The following CSMD3 variants were observed in gnomAD, a reference collection of about 807,000 sequenced individuals.
The protein encoded by CSMD3 is CUB and Sushi multiple domains 3.
Under a neutral mutation model 435.2 loss-of-function variants are expected in CSMD3, and 177 were observed. That is an observed-to-expected ratio of 0.41 (90% CI 0.36 to 0.46). The LOEUF (loss-of-function observed/expected upper bound fraction) is 0.46, where lower values mean the gene tolerates loss of function less well. CSMD3 is among the 20% of genes least tolerant of loss of function. The pLI is 0.34. For missense variants in CSMD3, 4,265 were observed against 4,504.6 expected (o/e 0.95, Z 1.52); for synonymous variants, 1,656 against 1,520.5 (o/e 1.09, Z -2.07).
chr8:112,300,222 A>T (rs972114626), intron 53 of CSMD3, among the ~76,000 whole-genome samples: 1 of 147,334 alleles, frequency 6.8e-6, no homozygotes, highest in Non-Finnish European at 1.5e-5. Flanking sequence ...AAATGTATAC[A>T]TATTTAAAGA....
At chr8:112,704,598 G>A (rs2076459044) in intron 13 of CSMD3, among the ~76,000 whole-genome samples, 1 of 152,082 alleles carries the variant, frequency 6.6e-6, no homozygotes, top group East Asian at 2.0e-4. Flanking sequence ...TTTTCTGGTT[G>A]TGAGTTTCCG....
intron 1 of CSMD3, among the ~76,000 whole-genome samples, chr8:113,417,892 G>A (rs1476041533): frequency 2.0e-5 from 3 of 152,064 alleles, no homozygotes; most frequent in Admixed American, 2.0e-4. Flanking sequence ...TATAAGAAAA[G>A]ATTACAGGAG....
intron 5 of CSMD3, among the ~76,000 whole-genome samples, chr8:113,077,898 C>T (rs1317875989): frequency 2.0e-5 from 3 of 152,038 alleles, no homozygotes; most frequent in African/African-American, 7.2e-5. Flanking sequence ...AAGTAGATTG[C>T]TTTGATCCCA....
intron 3 of CSMD3, among the ~76,000 whole-genome samples, chr8:113,200,267 C>T (rs533699221): frequency 6.6e-6 from 1 of 151,822 alleles, no homozygotes; most frequent in East Asian, 2.0e-4. Flanking sequence ...CACATTTGCG[C>T]CCTTCTTTCA....
intron 24 of CSMD3, among the ~76,000 whole-genome samples, chr8:112,569,581 A>C (rs1438097198): frequency 6.6e-6 from 1 of 152,164 alleles, no homozygotes; most frequent in Admixed American, 6.5e-5. Context: ...TTATCTACCC[A>C]AAACTGAAAA....
chr8:112,690,960 G>C (rs1344904728), intron 13 of CSMD3, among the ~76,000 whole-genome samples: 1 of 151,966 alleles, frequency 6.6e-6, no homozygotes, highest in South Asian at 2.1e-4. Flanking sequence ...CACATTGCTA[G>C]TTCCTCCGTT....
chr8:112,798,017 A>C (rs1463930202), intron 13 of CSMD3, among the ~76,000 whole-genome samples: 1 of 152,026 alleles, frequency 6.6e-6, no homozygotes, highest in East Asian at 1.9e-4. Context: ...TACAAAGACA[A>C]GTAAGATATA....
intron 36 of CSMD3, among the ~76,000 whole-genome samples, chr8:112,387,907 G>A (rs139967901): frequency 6.6e-6 from 1 of 152,266 alleles, no homozygotes; most frequent in Non-Finnish European, 1.5e-5. Context: ...GCCAAGCACT[G>A]TGCAGCATGT....
At chr8:113,237,452 C>T (rs2093162965) in intron 3 of CSMD3, among the ~76,000 whole-genome samples, 1 of 152,184 alleles carries the variant, frequency 6.6e-6, no homozygotes, top group South Asian at 2.1e-4. Flanking sequence ...GCCAGACTCA[C>T]ATATCTGGCA....
chr8:112,968,135 G>T (rs2084494388), intron 7 of CSMD3, among the ~76,000 whole-genome samples: 1 of 151,802 alleles, frequency 6.6e-6, no homozygotes, highest in African/African-American at 2.4e-5. Context: ...CATTTAATGA[G>T]ATAAGTAGAT....
At chr8:112,695,388 T>G (rs1255658783) in intron 13 of CSMD3, among the ~76,000 whole-genome samples, 1 of 152,180 alleles carries the variant, frequency 6.6e-6, no homozygotes, top group Non-Finnish European at 1.5e-5. Context: ...CAATATGTTT[T>G]AGAGATACTT....
chr8:113,273,497 T>C, intron 3 of CSMD3, among the ~76,000 whole-genome samples: 1 of 152,134 alleles, frequency 6.6e-6, no homozygotes, highest in East Asian at 1.9e-4. Flanking sequence ...GAGCACTCTA[T>C]TCTGTTCTGC....
intron 38 of CSMD3, among the ~76,000 whole-genome samples, chr8:112,361,157 C>T (rs529332359): frequency 1.3e-5 from 2 of 151,964 alleles, no homozygotes; most frequent in South Asian, 4.1e-4. Flanking sequence ...GACATCAAAA[C>T]ATTGAGTCAT....
chr8:112,587,025 C>A (rs2131352283), intron 23 of CSMD3, 41 bp downstream of exon 23: 2 of 1,444,268 alleles, frequency 1.4e-6, no homozygotes, highest in Non-Finnish European at 1.9e-6. Flanking sequence ...TATTTAATGA[C>A]TAAAAATGAA....
chr8:113,001,131 C>T (rs999612501), intron 6 of CSMD3, among the ~76,000 whole-genome samples: 1 of 152,006 alleles, frequency 6.6e-6, no homozygotes, highest in Non-Finnish European at 1.5e-5. Flanking sequence ...ATCGTCTTTT[C>T]TCACCAGGAT....
intron 31 of CSMD3, among the ~76,000 whole-genome samples, chr8:112,490,354 T>C (rs1820560728): frequency 6.6e-6 from 1 of 152,162 alleles, no homozygotes; most frequent in Non-Finnish European, 1.5e-5. Context: ...TCAACCAACA[T>C]TAAGTATACT....
chr8:113,251,432 C>G (rs2093334153), intron 3 of CSMD3, among the ~76,000 whole-genome samples: 1 of 151,810 alleles, frequency 6.6e-6, no homozygotes, highest in Non-Finnish European at 1.5e-5. Context: ...GATTTTTCTC[C>G]TTAATTTTAA....
At chr8:112,448,477 G>T (rs565188678) in intron 32 of CSMD3, among the ~76,000 whole-genome samples, 1 of 152,132 alleles carries the variant, frequency 6.6e-6, no homozygotes, top group Non-Finnish European at 1.5e-5. Flanking sequence ...AGATGTTCAT[G>T]TGAAAACAGA....
intron 33 of CSMD3, 42 bp downstream of exon 33, chr8:112,408,877 T>G: frequency 6.2e-7 from 1 of 1,613,050 alleles, no homozygotes; most frequent in Non-Finnish European, 8.5e-7. Context: ...AAAGTCAGTC[T>G]TTAATCAGTA....
Sources: gnomAD v4.1 joint callset for allele counts (sites outside exome capture counted in the v4.1 genomes callset) on GRCh38, gnomAD v4.1.1 for gene constraint, MANE v1.5 for transcripts, NCBI Gene and HGNC (gene_info 2026-07-23, HGNC 2026-07-21) for gene names.